Variants in PSMA1 observed in about 807,000 individuals in gnomAD.
The protein encoded by PSMA1 is proteasome 20S subunit alpha 1.
Under a neutral mutation model 38.4 loss-of-function variants are expected in PSMA1, and 3 were observed. The observed-to-expected ratio is 0.08, with a 90% CI of 0.04 to 0.20. The LOEUF is 0.20. Among genes scored for constraint, PSMA1 ranks in the 10% least tolerant of loss-of-function variants. The pLI, the probability that PSMA1 is intolerant of heterozygous loss-of-function variation, is 1.00. For synonymous variants in PSMA1, 101 were observed against 107.1 expected (o/e 0.94, Z 0.35); for missense variants, 227 against 325.3 (o/e 0.70, Z 2.32).
chr11:14,591,304 G>A (rs1852411802), intron 2 of PSMA1, among the ~76,000 whole-genome samples: 2 of 152,212 alleles, frequency 1.3e-5, no homozygotes. Context: ...TTCCCGAGGG[G>A]CAGGGCTCAG....
intron 1 of PSMA1, among the ~76,000 whole-genome samples, chr11:14,628,821 A>G (rs1454814290): frequency 1.4e-5 from 2 of 146,382 alleles, no homozygotes; most frequent in African/African-American, 5.1e-5. Flanking sequence ...CATCCTCTCC[A>G]GCACCTGTTG....
At chr11:14,531,888 G>A (rs904310773) in intron 2 of PSMA1, among the ~76,000 whole-genome samples, 1 of 152,164 alleles carries the variant, frequency 6.6e-6, no homozygotes, top group African/African-American at 2.4e-5. Flanking sequence ...AGATCAGAAA[G>A]CAATAGGAAA....
chr11:14,632,651 T>A (rs1304855026), intron 1 of PSMA1, among the ~76,000 whole-genome samples: 1 of 149,330 alleles, frequency 6.7e-6, no homozygotes, highest in African/African-American at 2.5e-5. Context: ...TGTCTTGGAG[T>A]TGCTCTTCTC....
chr11:14,640,196 AGAG>A (rs1015113310), intron 1 of PSMA1, among the ~76,000 whole-genome samples: 3 of 152,318 alleles, frequency 2.0e-5, no homozygotes, highest in African/African-American at 7.2e-5. Context: ...GTCGGGGGAA[AGAG>A]GAGAGAGATC....
intron 1 of PSMA1, among the ~76,000 whole-genome samples, chr11:14,636,806 T>C (rs1048226404): frequency 6.6e-6 from 1 of 152,220 alleles, no homozygotes; most frequent in African/African-American, 2.4e-5. Flanking sequence ...CACATTCCAA[T>C]TCTATGGAAC....
intron 1 of PSMA1, among the ~76,000 whole-genome samples, chr11:14,614,514 G>T (rs1852747482): frequency 6.6e-6 from 1 of 151,944 alleles, no homozygotes; most frequent in Non-Finnish European, 1.5e-5. Flanking sequence ...TTCTGTTAGT[G>T]ATCCATAGGC....
At chr11:14,555,205 A>G (rs1220735340) in intron 2 of PSMA1, among the ~76,000 whole-genome samples, 3 of 152,154 alleles carry the variant, frequency 2.0e-5, no homozygotes, top group African/African-American at 7.2e-5. Context: ...GTTTGTTTTT[A>G]TCTCTTGGAC....
chr11:14,556,805 T>A (rs1851944677), intron 2 of PSMA1, among the ~76,000 whole-genome samples: 1 of 152,240 alleles, frequency 6.6e-6, no homozygotes. Flanking sequence ...GTTGGAAGAC[T>A]ATCTTTTCTC....
chr11:14,613,716 C>T (rs1852736497), intron 1 of PSMA1, among the ~76,000 whole-genome samples: 1 of 152,118 alleles, frequency 6.6e-6, no homozygotes, highest in African/African-American at 2.4e-5. Flanking sequence ...TCATTTTATA[C>T]AGCAAAGAAC....
At chr11:14,574,825 G>A (rs1443460924) in intron 2 of PSMA1, among the ~76,000 whole-genome samples, 1 of 152,058 alleles carries the variant, frequency 6.6e-6, no homozygotes, top group Non-Finnish European at 1.5e-5. Flanking sequence ...CCGAGTCTTG[G>A]GTATTATCTT....
chr11:14,528,743 G>C (rs1234791442), intron 2 of PSMA1, among the ~76,000 whole-genome samples: 1 of 152,082 alleles, frequency 6.6e-6, no homozygotes. Flanking sequence ...AGCCTTAACT[G>C]ACGAAGTTCC....
intron 5 of PSMA1, 192 bp from the exon 6 acceptor site, chr11:14,514,079 G>A (rs1851388614): frequency 7.6e-7 from 1 of 1,319,330 alleles, no homozygotes; most frequent in Admixed American, 3.8e-5. Context: ...CTAAGAAAGA[G>A]TGCCAGCAAA....
At chr11:14,554,494 G>A (rs1851921390) in intron 2 of PSMA1, among the ~76,000 whole-genome samples, 1 of 152,086 alleles carries the variant, frequency 6.6e-6, no homozygotes, top group Non-Finnish European at 1.5e-5. Flanking sequence ...TTTCTATAGG[G>A]TGTGAAGTTT....
chr11:14,602,288 A>G (rs1250378694), intron 2 of PSMA1, among the ~76,000 whole-genome samples: 2 of 152,208 alleles, frequency 1.3e-5, no homozygotes, highest in Non-Finnish European at 2.9e-5. Flanking sequence ...AGGCTGAGCT[A>G]TCACCAAGCT....
intron 7 of PSMA1, 40 bp from the exon 8 acceptor site, chr11:14,510,991 G>T: frequency 1.5e-6 from 2 of 1,323,568 alleles, no homozygotes; most frequent in Non-Finnish European, 2.1e-6. Context: ...TAATTTCATT[G>T]TTATGCTAGG....
At chr11:14,514,522 T>G in intron 4 of PSMA1, 31 bp from the exon 5 acceptor site, 1 of 1,456,056 alleles carries the variant, frequency 6.9e-7, no homozygotes, top group Non-Finnish European at 9.2e-7. Context: ...GTTTAGTAAT[T>G]TCAAATTATA....
intron 8 of PSMA1, among the ~76,000 whole-genome samples, chr11:14,508,538 C>T (rs907268109): frequency 8.1e-6 from 1 of 123,866 alleles, no homozygotes; most frequent in Non-Finnish European, 1.7e-5. Flanking sequence ...TATTTCTCTC[C>T]TCTTCCAGTC....
intron 1 of PSMA1, among the ~76,000 whole-genome samples, chr11:14,617,699 G>A (rs377266663): frequency 3.0e-5 from 4 of 135,398 alleles, no homozygotes; most frequent in South Asian, 2.6e-4. Flanking sequence ...ATATATATAT[G>A]TGTGTGTGTG....
At chr11:14,524,421 A>G (rs924260985), upstream of PSMA1, among the ~76,000 whole-genome samples, 10 of 152,164 alleles carry the variant, frequency 6.6e-5, no homozygotes, top group African/African-American at 2.4e-4. Flanking sequence ...CTAACTGATC[A>G]ATGTACTTTG....
Sources: gnomAD v4.1 joint callset for allele counts (sites outside exome capture counted in the v4.1 genomes callset) on GRCh38, gnomAD v4.1.1 for gene constraint, MANE v1.5 for transcripts, NCBI Gene and HGNC (gene_info 2026-07-23, HGNC 2026-07-21) for gene names.